Variants in IQCH observed in about 807,000 individuals in gnomAD.
IQCH encodes the protein IQ domain-containing protein H.
IQCH carries 98 observed loss-of-function variants against 117.0 expected under a neutral mutation model. The observed-to-expected ratio is 0.84, with a 90% CI of 0.71 to 0.99. IQCH has a LOEUF of 0.99. Among genes scored for constraint, IQCH ranks in the 50% least tolerant of loss-of-function variants. The pLI, the probability that IQCH is intolerant of heterozygous loss-of-function variation, is 0.00. For synonymous variants in IQCH, 412 were observed against 448.2 expected (o/e 0.92, Z 1.02); for missense variants, 1,102 against 1,243.8 (o/e 0.89, Z 1.72).
In IQCH at chr15:67,401,034, A is replaced by C. The variant is rs747011696; in HGVS notation, c.2097+729A>C. On this transcript the variant is annotated intron_variant, in intron 14 of 20. Transcript: ENST00000335894. The surrounding 1 kb of genome is among the most constrained non-coding windows in gnomAD (Gnocchi z 4.7). ...GTTGTCACCTGGAAGCTAATGTATA[A>C]TAGCATTCTGTCAGCAGTCATGTGT... 3.9e-4 allele frequency among the ~76,000 whole-genome samples: 59 copies of C among 152,324 alleles called. 1 individual carries two copies. The highest frequency in any genetic ancestry group is 3.4e-3 in the Middle Eastern group (1 of 294).
chr15:67,446,529 T>C (rs1239354210), intron 16 of IQCH, among the ~76,000 whole-genome samples: 3 of 152,140 alleles, frequency 2.0e-5, no homozygotes, highest in Non-Finnish European at 4.4e-5. Flanking sequence ...GGGGGCCTGT[T>C]TGTTAAAAGC....
chr15:67,417,879 A>C lies in IQCH; in HGVS notation c.2218+828A>C, dbSNP rs2081616905. 6.6e-6 allele frequency among the ~76,000 whole-genome samples: 1 copy of C among 152,222 alleles called. No homozygotes were observed. Among genetic ancestry groups the C allele is most frequent in the African/African-American group, 2.4e-5 (1 of 41,462 alleles). ...TTTCCACTGCTGTCAAGTGATAATA[A>C]TAATCTCAGCAATAATCAATAATGA... On this transcript the variant is annotated intron_variant, in intron 15 of 20. Transcript: ENST00000335894. This position sits in a 1 kb window ranked among gnomAD's most constrained non-coding sequence, Gnocchi z 4.3.
intron 12 of IQCH, among the ~76,000 whole-genome samples, chr15:67,392,658 T>C (rs1971325994): frequency 6.6e-6 from 1 of 151,822 alleles, no homozygotes; most frequent in Non-Finnish European, 1.5e-5. Context: ...GCACCTATAG[T>C]CCCAGCTGCT....
chr15:67,266,769 T>A (rs754434421), intron 3 of IQCH, among the ~76,000 whole-genome samples: 1 of 152,214 alleles, frequency 6.6e-6, no homozygotes, highest in Non-Finnish European at 1.5e-5. Context: ...TTTTAAGTTT[T>A]GGGATTTTTT....
intron 3 of IQCH, among the ~76,000 whole-genome samples, chr15:67,274,845 A>G (rs1966055846): frequency 6.6e-6 from 1 of 151,600 alleles, no homozygotes; most frequent in African/African-American, 2.4e-5. Context: ...TTTTTCCCCC[A>G]CTAGGTTGCT....
At chr15:67,451,282 C>T (rs912998391) in intron 16 of IQCH, among the ~76,000 whole-genome samples, 22 of 152,016 alleles carry the variant, frequency 1.4e-4, no homozygotes, top group Non-Finnish European at 2.2e-4. Flanking sequence ...AATGTGTTTG[C>T]TCTTGCTTTT....
intron 4 of IQCH, among the ~76,000 whole-genome samples, chr15:67,331,297 A>G (rs2140639565): frequency 6.6e-6 from 1 of 152,300 alleles, no homozygotes; most frequent in Non-Finnish European, 1.5e-5. Flanking sequence ...ACTTCACATT[A>G]TACTACAACT....
intron 16 of IQCH, among the ~76,000 whole-genome samples, chr15:67,442,068 C>T (rs538722461): frequency 6.4e-4 from 98 of 152,148 alleles, no homozygotes; most frequent in Non-Finnish European, 1.1e-3. Flanking sequence ...AAATGGGCTA[C>T]GGACATGAAT....
intron 14 of IQCH, among the ~76,000 whole-genome samples, chr15:67,400,534 G>GA (rs1971619308): frequency 7.9e-6 from 1 of 125,908 alleles, no homozygotes; most frequent in African/African-American, 3.1e-5. Flanking sequence ...GCCCAGGCTG[G>GA]AGTGCAGTGG....
chr15:67,300,054 A>G (rs939315024), intron 4 of IQCH, among the ~76,000 whole-genome samples: 2 of 151,956 alleles, frequency 1.3e-5, no homozygotes, highest in East Asian at 3.9e-4. Flanking sequence ...ATTCCTTTGC[A>G]TTTTTTTAGC....
At chr15:67,304,408 G>T in intron 4 of IQCH, 1 of 1,534,566 alleles carries the variant, frequency 6.5e-7, no homozygotes, top group South Asian at 1.2e-5. Context: ...TGCTGTAAAT[G>T]CGAACTATGG....
chr15:67,287,851 C>T (rs761450223), intron 4 of IQCH, among the ~76,000 whole-genome samples: 12 of 151,760 alleles, frequency 7.9e-5, no homozygotes, highest in Non-Finnish European at 1.6e-4. Flanking sequence ...TGAAGCTTTC[C>T]TTTTTTTGGA....
intron 20 of IQCH, among the ~76,000 whole-genome samples, chr15:67,497,975 C>T (rs1464069852): frequency 6.6e-6 from 1 of 152,144 alleles, no homozygotes; most frequent in Non-Finnish European, 1.5e-5. Context: ...ATCAGAATCC[C>T]AGCTGGCTTT....
At chr15:67,429,311 T>G (rs2081967701) in intron 16 of IQCH, among the ~76,000 whole-genome samples, 1 of 152,170 alleles carries the variant, frequency 6.6e-6, no homozygotes, top group South Asian at 2.1e-4. Context: ...TTCAGGAGTT[T>G]GAGATCAGCA....
At chr15:67,423,647 A>G (rs1207129826) in intron 16 of IQCH, among the ~76,000 whole-genome samples, 1 of 151,400 alleles carries the variant, frequency 6.6e-6, no homozygotes, top group Non-Finnish European at 1.5e-5. Flanking sequence ...TCACGCCTGT[A>G]ATACCAGCAT....
intron 6 of IQCH, among the ~76,000 whole-genome samples, chr15:67,353,565 G>A (rs979150682): frequency 5.3e-5 from 8 of 152,016 alleles, no homozygotes; most frequent in Non-Finnish European, 8.8e-5. Flanking sequence ...TCACCATGTT[G>A]CCCAGGGTGG....
At chr15:67,471,550 G>C (rs1445189743) in intron 17 of IQCH, among the ~76,000 whole-genome samples, 1 of 152,186 alleles carries the variant, frequency 6.6e-6, no homozygotes, top group Non-Finnish European at 1.5e-5. Context: ...CATAAAGGTG[G>C]TACATAGCAA....
intron 6 of IQCH, among the ~76,000 whole-genome samples, chr15:67,350,981 G>A (rs1969634844): frequency 6.6e-6 from 1 of 152,122 alleles, no homozygotes; most frequent in African/African-American, 2.4e-5. Context: ...AGATGCCAGG[G>A]CCCTCCCTGA....
At chr15:67,296,069 G>T (rs575404092) in intron 4 of IQCH, among the ~76,000 whole-genome samples, 1 of 152,308 alleles carries the variant, frequency 6.6e-6, no homozygotes, top group South Asian at 2.1e-4. Flanking sequence ...ATCTGTTTAT[G>T]TGCTTATTGT....
Sources: gnomAD v4.1 joint callset for allele counts (sites outside exome capture counted in the v4.1 genomes callset) on GRCh38, gnomAD v4.1.1 for gene constraint, Gnocchi (gnomAD v3.1) non-coding constraint, MANE v1.5 for transcripts, NCBI Gene and HGNC (gene_info 2026-07-23, HGNC 2026-07-21) for gene names.